ARMH3: variants seen among roughly 807,000 people sequenced by gnomAD.
ARMH3 encodes the protein armadillo-like helical domain-containing protein 3.
Under a neutral mutation model 99.1 loss-of-function variants are expected in ARMH3, and 60 were observed. That is an observed-to-expected ratio of 0.61 (90% confidence interval 0.49 to 0.75). ARMH3 has a LOEUF of 0.75. ARMH3 is among the 30% of genes least tolerant of loss of function. The pLI is 0.00. For missense variants in ARMH3, 679 were observed against 843.1 expected (o/e 0.81, Z 2.41); for synonymous variants, 285 against 292.8 (o/e 0.97, Z 0.27).
chr10:101,857,718 T>C (rs955562411), intron 24 of ARMH3, among the ~76,000 whole-genome samples: 4 of 152,226 alleles, frequency 2.6e-5, no homozygotes, highest in African/African-American at 9.6e-5. Flanking sequence ...GAGAATGACC[T>C]ACTCAGGGCA....
At chr10:102,010,808 C>T (rs1470284230) in intron 11 of ARMH3, among the ~76,000 whole-genome samples, 1 of 152,152 alleles carries the variant, frequency 6.6e-6, no homozygotes, top group Non-Finnish European at 1.5e-5. Flanking sequence ...AACACCAGTA[C>T]AAAACTCATA....
chr10:101,972,263 G>A (rs1379712781), intron 20 of ARMH3, among the ~76,000 whole-genome samples: 1 of 152,052 alleles, frequency 6.6e-6, no homozygotes, highest in East Asian at 1.9e-4. Flanking sequence ...AAACAGCATA[G>A]AAATAAAAAT....
intron 22 of ARMH3, among the ~76,000 whole-genome samples, chr10:101,954,686 T>A (rs973849025): frequency 7.2e-5 from 11 of 152,228 alleles, no homozygotes; most frequent in African/African-American, 1.9e-4. Context: ...CGGCAAAATT[T>A]TATTAACCTC....
At chr10:101,943,528 T>C (rs1035097646) in intron 22 of ARMH3, among the ~76,000 whole-genome samples, 3 of 151,912 alleles carry the variant, frequency 2.0e-5, no homozygotes, top group Non-Finnish European at 4.4e-5. Flanking sequence ...CATAACATAA[T>C]CAAATTCCAG....
chr10:102,001,841 A>AC, intron 15 of ARMH3, 130 bp downstream of exon 15: 12 of 782,486 alleles, frequency 1.5e-5, no homozygotes, highest in Non-Finnish European at 2.5e-5. Flanking sequence ...ATTTTCCAGC[A>AC]ATGAAGACCA....
chr10:101,937,510 C>A (rs1422369112), intron 23 of ARMH3, among the ~76,000 whole-genome samples: 5 of 150,202 alleles, frequency 3.3e-5, no homozygotes, highest in African/African-American at 7.4e-5. Context: ...CAGAGTCAGA[C>A]CCTGTCTCCA....
At chr10:102,021,418 T>C (rs1016198768) in intron 8 of ARMH3, among the ~76,000 whole-genome samples, 1 of 151,324 alleles carries the variant, frequency 6.6e-6, no homozygotes, top group Non-Finnish European at 1.5e-5. Flanking sequence ...GGTCTCACTA[T>C]GTCACCCAGA....
chr10:101,966,291 T>G lies in ARMH3; in HGVS notation c.1496-8559A>C, dbSNP rs201631297. On this transcript the variant is annotated intron_variant, in intron 20 of 25. Coordinates refer to ENST00000370033, the MANE Select transcript of ARMH3 (RefSeq NM_024541.3). ...TGGCTAATTTTTGGTTTGGGTTTTT[T>G]TTTTTTTTTTTTTTTTTTTTTTTGA... Among the ~76,000 whole-genome samples the G allele has an allele frequency of 2.1e-4, 25 of 118,156 alleles. No homozygotes were observed. The East Asian group carries it at 3.9e-3, about 18-fold the overall frequency. The allele number at this position is 118,156 out of a possible 152,430, so 77.5% of individuals were successfully genotyped here. A position where few individuals can be genotyped will look rare whatever the true frequency, so the allele number is the denominator to read the frequency against.
At chr10:101,901,603 C>A (rs2067982069) in intron 23 of ARMH3, among the ~76,000 whole-genome samples, 1 of 152,146 alleles carries the variant, frequency 6.6e-6, no homozygotes, top group East Asian at 1.9e-4. Context: ...AGGCTGCTTT[C>A]ACCTGCTCCA....
chr10:101,937,555 T>C (rs1239859562), intron 23 of ARMH3, among the ~76,000 whole-genome samples: 1 of 151,902 alleles, frequency 6.6e-6, no homozygotes, highest in Non-Finnish European at 1.5e-5. Flanking sequence ...GAAGACCTAT[T>C]ATTAATTCTC....
intron 24 of ARMH3, among the ~76,000 whole-genome samples, chr10:101,853,308 C>G (rs2066650539): frequency 6.6e-6 from 1 of 152,146 alleles, no homozygotes; most frequent in Non-Finnish European, 1.5e-5. Context: ...CTTTTACTCA[C>G]AAAGGAAAAA....
chr10:101,919,966 T>A (rs1843241209), intron 23 of ARMH3, among the ~76,000 whole-genome samples: 1 of 152,190 alleles, frequency 6.6e-6, no homozygotes, highest in South Asian at 2.1e-4. Flanking sequence ...CCTTGTTGGC[T>A]CCCTCCATCA....
chr10:102,010,603 T>C (rs1002990605), intron 11 of ARMH3, among the ~76,000 whole-genome samples: 2 of 152,192 alleles, frequency 1.3e-5, no homozygotes, highest in African/African-American at 2.4e-5. Flanking sequence ...CTGCCTCTAA[T>C]GTGTATGATA....
intron 24 of ARMH3, 127 bp from the exon 25 acceptor site, chr10:101,850,019 T>C: frequency 2.8e-6 from 2 of 725,116 alleles, no homozygotes; most frequent in Non-Finnish European, 2.3e-6. Context: ...TGCTTATTAC[T>C]TATCTTCCAG....
intron 15 of ARMH3, among the ~76,000 whole-genome samples, chr10:101,997,517 G>A (rs193046325): frequency 2.0e-5 from 3 of 151,444 alleles, no homozygotes; most frequent in African/African-American, 4.8e-5. Flanking sequence ...GCTTGAACCC[G>A]GGAGGCAGAG....
chr10:101,903,273 T>C (rs2068023274), intron 23 of ARMH3, among the ~76,000 whole-genome samples: 1 of 152,218 alleles, frequency 6.6e-6, no homozygotes, highest in South Asian at 2.1e-4. Context: ...TTGCCAGCAC[T>C]GCCAGTGACT....
At chr10:102,003,642 A>G (rs983527667) in intron 14 of ARMH3, among the ~76,000 whole-genome samples, 2 of 152,250 alleles carry the variant, frequency 1.3e-5, no homozygotes, top group African/African-American at 4.8e-5. Flanking sequence ...ATGAAGACTC[A>G]GTTGACTTTG....
At chr10:101,947,975 T>C (rs537189443) in intron 22 of ARMH3, among the ~76,000 whole-genome samples, 2 of 151,900 alleles carry the variant, frequency 1.3e-5, no homozygotes, top group South Asian at 4.1e-4. Context: ...AGCTAATAAA[T>C]TAAAATGGAA....
intron 24 of ARMH3, among the ~76,000 whole-genome samples, chr10:101,879,917 C>T (rs2067369332): frequency 6.6e-6 from 1 of 152,160 alleles, no homozygotes; most frequent in Non-Finnish European, 1.5e-5. Flanking sequence ...GGATAAGCAG[C>T]TTGTAAAACC....
Sources: allele counts gnomAD v4.1 joint callset (sites outside exome capture counted in the v4.1 genomes callset), GRCh38; gene constraint gnomAD v4.1.1; transcripts MANE v1.5; gene names NCBI Gene and HGNC (gene_info 2026-07-23, HGNC 2026-07-21).